Variants in KAZN observed in about 807,000 individuals in gnomAD.
KAZN encodes the protein kazrin.
KAZN carries 40 observed loss-of-function variants against 87.4 expected under a neutral mutation model. The observed-to-expected ratio is 0.46, with a 90% CI of 0.36 to 0.60. The LOEUF is 0.60. Among genes scored for constraint, KAZN ranks in the 20% least tolerant of loss-of-function variants. The pLI, the probability that KAZN is intolerant of heterozygous loss-of-function variation, is 0.00. For synonymous variants in KAZN, 466 were observed against 458.3 expected, an observed-to-expected ratio of 1.02 and a Z score of -0.22; for missense variants, 898 against 1,073.9, an observed-to-expected ratio of 0.84 and a Z score of 2.29.
intron 1 of KAZN, among the ~76,000 whole-genome samples, chr1:14,089,926 A>C (rs1643936994): frequency 6.6e-6 from 1 of 152,194 alleles, no homozygotes; most frequent in African/African-American, 2.4e-5. Flanking sequence ...ATTTTAAAGA[A>C]ATCACTCCAT....
chr1:14,529,993 G>A (rs1432606596), intron 2 of KAZN, among the ~76,000 whole-genome samples: 1 of 152,160 alleles, frequency 6.6e-6, no homozygotes, highest in Non-Finnish European at 1.5e-5. Context: ...TCCTGTGGCA[G>A]GGATCACAGA....
At chr1:14,984,973 T>A (rs1337817957) in intron 2 of KAZN, among the ~76,000 whole-genome samples, 2 of 151,686 alleles carry the variant, frequency 1.3e-5, no homozygotes, top group South Asian at 2.1e-4. Flanking sequence ...TCGTCTCTAC[T>A]ACAAATACAA....
intron 2 of KAZN, among the ~76,000 whole-genome samples, chr1:14,440,350 G>T (rs1408488041): frequency 1.3e-5 from 2 of 152,184 alleles, no homozygotes; most frequent in Non-Finnish European, 2.9e-5. Context: ...GCTTTGTACT[G>T]ACAGCTGGAG....
At chr1:14,741,218 CCT>C (rs892548546) in intron 1 of KAZN, among the ~76,000 whole-genome samples, 1 of 152,228 alleles carries the variant, frequency 6.6e-6, no homozygotes, top group Non-Finnish European at 1.5e-5. Context: ...GTCTTTCTCC[CCT>C]GTGACATAAT....
At chr1:14,141,131 C>A (rs2101766393) in intron 1 of KAZN, among the ~76,000 whole-genome samples, 1 of 151,022 alleles carries the variant, frequency 6.6e-6, no homozygotes, top group South Asian at 2.1e-4. Context: ...CTAGATCATT[C>A]TTCTAAACTT....
intron 2 of KAZN, among the ~76,000 whole-genome samples, chr1:14,211,465 C>T (rs969903581): frequency 7.2e-5 from 11 of 152,170 alleles, no homozygotes; most frequent in Non-Finnish European, 1.5e-5. Context: ...ACCTCGTGAT[C>T]TGCCCGCCTC....
At chr1:14,371,963 A>G (rs1047255549) in intron 2 of KAZN, among the ~76,000 whole-genome samples, 3 of 152,266 alleles carry the variant, frequency 2.0e-5, no homozygotes, top group Non-Finnish European at 4.4e-5. Flanking sequence ...AACTGTTTAA[A>G]GGAAACTGGC....
At chr1:15,043,372 T>C (rs1041983651) in intron 3 of KAZN, among the ~76,000 whole-genome samples, 2 of 152,240 alleles carry the variant, frequency 1.3e-5, no homozygotes, top group African/African-American at 4.8e-5. Flanking sequence ...ATCTTTAGAA[T>C]TCTTTGAAAC....
At chr1:15,110,781 A>T (rs1641579473) in intron 13 of KAZN, among the ~76,000 whole-genome samples, 1 of 152,104 alleles carries the variant, frequency 6.6e-6, no homozygotes, top group Admixed American at 6.5e-5. Flanking sequence ...TTCAATTTCC[A>T]TCCCTGCCAC....
chr1:13,986,976 C>G (rs1321489690), intron 1 of KAZN, among the ~76,000 whole-genome samples: 1 of 152,184 alleles, frequency 6.6e-6, no homozygotes, highest in South Asian at 2.1e-4. Flanking sequence ...CTATCCACAA[C>G]TGCTAGAAGC....
chr1:14,003,650 T>A (rs979262383), intron 1 of KAZN, among the ~76,000 whole-genome samples: 7 of 152,160 alleles, frequency 4.6e-5, no homozygotes, highest in African/African-American at 1.7e-4. Context: ...TTTCAATAAA[T>A]GCTGCCAAGT....
Position 14,572,626 on chromosome 1 carries a change from C to T in KAZN, c.250-26357C>T, listed in dbSNP as rs573398736. ...TGGCCTGGCTTCTTGTGCACTTGGC[C>T]GAGCGGCTCTGTCGCATTGAGCCTA... On this transcript the variant is annotated intron_variant, in intron 2 of 16. Transcript: ENST00000636203. 2.5e-4 allele frequency among the ~76,000 whole-genome samples: 38 copies of T among 152,264 alleles called. No individual in the cohort carries two copies. In the South Asian group the frequency reaches 6.9e-3, roughly 27 times the overall value.
In KAZN at chr1:15,116,097, C is replaced by T. The variant is rs774309664; in HGVS notation, c.*1462C>T. 4 of 152,174 alleles carry T rather than the reference C, an allele frequency of 2.6e-5. No homozygotes were observed. The highest frequency in any genetic ancestry group is 6.5e-5 in the Admixed American group (1 of 15,278). 9.4% of individuals were successfully genotyped at this position (152,174 alleles called of 1,614,324 possible). A position where few individuals can be genotyped will look rare whatever the true frequency, so the allele number is the denominator to read the frequency against. On this transcript the variant is annotated 3_prime_UTR_variant, in exon 15 of 15. Coordinates refer to ENST00000376030, the MANE Select transcript of KAZN (RefSeq NM_201628.3). Reference sequence around the variant, plus strand: ...CCTCAGTTCATTGACCAGATGACAGCCACGTGATGATTAGGGAAGGACGGA... The same window carrying T: ...CCTCAGTTCATTGACCAGATGACAGTCACGTGATGATTAGGGAAGGACGGA...
At chr1:14,267,359 C>CAAA (rs61641430) in intron 2 of KAZN, among the ~76,000 whole-genome samples, 41 of 64,738 alleles carry the variant, frequency 6.3e-4, no homozygotes, top group African/African-American at 1.9e-3. Context: ...AGCCGATAAG[C>CAAA]AAAAAAAAAA....
rs555541563 is a variant in KAZN at position 14,820,959 on chromosome 1, G to A, written c.227-139725G>A. 3.9e-5 allele frequency among the ~76,000 whole-genome samples: 6 copies of A among 152,298 alleles called. No individual in the cohort carries two copies. The highest frequency in any genetic ancestry group is 2.1e-4 in the South Asian group (1 of 4,820). On this transcript the variant is annotated intron_variant, in intron 1 of 14. Transcript: ENST00000376030. This position sits in a 1 kb window ranked among gnomAD's most constrained non-coding sequence, Gnocchi z 4.1. The stretch of plus-strand genomic sequence containing the variant: ...GGCAAGGGCTGGACGCAGCAGGACC[G>A]TGGTCTGTTCTGTGATGGATTGTCG...
At chr1:14,660,117 A>G (rs1639054911) in intron 1 of KAZN, among the ~76,000 whole-genome samples, 1 of 152,124 alleles carries the variant, frequency 6.6e-6, no homozygotes, top group African/African-American at 2.4e-5. Context: ...GGCCTGCTTC[A>G]GTGGGGCTGG....
chr1:14,491,295 A>G (rs1233068424), intron 2 of KAZN, among the ~76,000 whole-genome samples: 3 of 152,162 alleles, frequency 2.0e-5, no homozygotes, highest in African/African-American at 7.2e-5. Flanking sequence ...GAGATTTACA[A>G]GTTACTCTTT....
At chr1:14,359,464 T>C (rs538994428) in intron 2 of KAZN, among the ~76,000 whole-genome samples, 19 of 152,242 alleles carry the variant, frequency 1.2e-4, no homozygotes, top group Admixed American at 5.9e-4. Context: ...ATGTGTGAAT[T>C]TGATTCTGTC....
At chr1:14,239,207 G>A (rs1648698776) in intron 2 of KAZN, among the ~76,000 whole-genome samples, 1 of 152,090 alleles carries the variant, frequency 6.6e-6, no homozygotes, top group Non-Finnish European at 1.5e-5. Flanking sequence ...AGTGGACAAG[G>A]GCACACAGAG....
Sources: gnomAD v4.1 joint callset for allele counts (sites outside exome capture counted in the v4.1 genomes callset) on GRCh38, gnomAD v4.1.1 for gene constraint, Gnocchi (gnomAD v3.1) non-coding constraint, MANE v1.5 for transcripts, NCBI Gene and HGNC (gene_info 2026-07-23, HGNC 2026-07-21) for gene names.